Variants in AGBL1 observed in about 807,000 individuals in gnomAD.
AGBL1 encodes cytosolic carboxypeptidase 4.
In AGBL1, 130 loss-of-function variants were observed where a neutral mutation model predicts 118.9. That is an observed-to-expected ratio of 1.09 (90% CI 0.95 to 1.26). The LOEUF is 1.26. Among genes scored for constraint, AGBL1 ranks in the 50% most tolerant of loss-of-function variants. The probability of loss-of-function intolerance (pLI) is 0.00; values close to 1 mark genes in which losing one functional copy is unlikely to be tolerated. For synonymous variants in AGBL1, 555 were observed against 478.9 expected (o/e 1.16, Z -2.08); for missense variants, 1,584 against 1,298.1 (o/e 1.22, Z -3.38).
At chr15:86,891,001 T>C (rs1206323600) in intron 22 of AGBL1, among the ~76,000 whole-genome samples, 2 of 152,236 alleles carry the variant, frequency 1.3e-5, no homozygotes, top group Non-Finnish European at 2.9e-5. Flanking sequence ...ATGGCCATTT[T>C]CACTATATTA....
chr15:86,236,118 A>T (rs938804618), intron 6 of AGBL1, among the ~76,000 whole-genome samples: 2 of 152,118 alleles, frequency 1.3e-5, no homozygotes, highest in African/African-American at 4.8e-5. Flanking sequence ...GTTTATTTTT[A>T]TTTTCAAATG....
intron 17 of AGBL1, among the ~76,000 whole-genome samples, chr15:86,383,680 C>T (rs910095560): frequency 3.3e-5 from 5 of 152,302 alleles, no homozygotes; most frequent in Non-Finnish European, 7.4e-5. Context: ...TCTTCGCTGA[C>T]GTGTAAGGGC....
intron 18 of AGBL1, among the ~76,000 whole-genome samples, chr15:86,437,054 A>C (rs918643138): frequency 2.0e-5 from 3 of 151,660 alleles, no homozygotes; most frequent in Non-Finnish European, 4.4e-5. Context: ...TTTTCCATTG[A>C]AACTATTTTT....
intron 23 of AGBL1, among the ~76,000 whole-genome samples, chr15:86,978,693 G>A (rs2081199349): frequency 6.6e-6 from 1 of 152,168 alleles, no homozygotes; most frequent in Admixed American, 6.5e-5. Context: ...CTGGGGTCAG[G>A]CTGTGAGCTG....
chr15:86,957,858 T>C (rs2141680442), intron 23 of AGBL1, among the ~76,000 whole-genome samples: 1 of 152,136 alleles, frequency 6.6e-6, no homozygotes, highest in Non-Finnish European at 1.5e-5. Flanking sequence ...AACTCTAAAA[T>C]TCGTATGGAA....
intron 22 of AGBL1, among the ~76,000 whole-genome samples, chr15:86,858,892 A>G (rs879543837): frequency 1.4e-4 from 21 of 152,186 alleles, no homozygotes; most frequent in Admixed American, 1.2e-3. Context: ...CAGTTGTATT[A>G]TCTTTAATCC....
Position 86,674,259 on chromosome 15 carries a change from T to A in AGBL1, c.2995-14T>A. On this transcript the variant is annotated splice_polypyrimidine_tract_variant and intron_variant, in intron 21 of 22. Transcript: ENST00000614907. ...TTATACGTTGCCACAGTTAATGCTT[T>A]GTTTAACTGGCAGGGTCTACAGTTT... The A allele has an allele frequency of 6.2e-7, 1 of 1,602,350 alleles. No individual in the cohort carries two copies. The highest frequency in any genetic ancestry group is 2.3e-5 in the East Asian group (1 of 44,382).
At chr15:86,086,484 A>G (rs1895662178) in intron 1 of AGBL1, 1 of 152,188 alleles carries the variant, frequency 6.6e-6, no homozygotes, top group African/African-American at 2.4e-5. Flanking sequence ...GTTAGAGAAA[A>G]AGATGATATG....
intron 22 of AGBL1, among the ~76,000 whole-genome samples, chr15:86,694,078 G>T (rs1364734189): frequency 2.0e-5 from 3 of 151,990 alleles, no homozygotes; most frequent in Admixed American, 2.0e-4. Context: ...GGCTATGCAG[G>T]CTCTTTTTTG....
chr15:87,000,708 C>T (rs1480178638), intron 24 of AGBL1, among the ~76,000 whole-genome samples: 15 of 116,482 alleles, frequency 1.3e-4, no homozygotes, highest in Admixed American at 5.5e-4. Flanking sequence ...CTTGGCGATG[C>T]GGGCTCTTTT....
intron 22 of AGBL1, among the ~76,000 whole-genome samples, chr15:86,723,425 T>C (rs879844498): frequency 6.6e-6 from 1 of 152,116 alleles, no homozygotes; most frequent in Non-Finnish European, 1.5e-5. Flanking sequence ...AAACACCACA[T>C]GTTCTCACTC....
chr15:86,401,537 A>G lies in AGBL1; in HGVS notation c.2555+3991A>G, dbSNP rs117484511. Among the ~76,000 whole-genome samples, 244 of 152,238 alleles carry G rather than the reference A, an allele frequency of 1.6e-3. 1 individual carries two copies. The highest frequency in any genetic ancestry group is 9.5e-3 in the East Asian group (49 of 5,182). On this transcript the variant is annotated intron_variant, in intron 18 of 22. Transcript: ENST00000614907. Reference sequence around the variant, plus strand: ...GAATTCTTTGCCTAAGCCAATGCCTAGAAGAGTTGTTACAATGTTATCTTC... The same window carrying G: ...GAATTCTTTGCCTAAGCCAATGCCTGGAAGAGTTGTTACAATGTTATCTTC...
chr15:86,763,175 A>G (rs866334175), intron 22 of AGBL1, among the ~76,000 whole-genome samples: 13 of 151,998 alleles, frequency 8.6e-5, no homozygotes, highest in African/African-American at 3.1e-4. Context: ...AACAACAAAA[A>G]CTATAACAAT....
chr15:86,951,338 C>T (rs1022789186), intron 23 of AGBL1, among the ~76,000 whole-genome samples: 9 of 152,172 alleles, frequency 5.9e-5, no homozygotes, highest in African/African-American at 1.9e-4. Context: ...CTATTATACT[C>T]AAGACAAATA....
intron 22 of AGBL1, among the ~76,000 whole-genome samples, chr15:86,849,637 A>C (rs1351535786): frequency 6.6e-6 from 1 of 151,732 alleles, no homozygotes; most frequent in Admixed American, 6.6e-5. Flanking sequence ...AAGTGGAATT[A>C]TATCTAGAAT....
rs896280637 is a variant in AGBL1 at position 86,108,332 on chromosome 15, G to A, written c.51+28309G>A. On this transcript the variant is annotated intron_variant, in intron 1 of 22. Coordinates refer to ENST00000614907, the MANE Select transcript of AGBL1 (RefSeq NM_001386094.1). Reference sequence around the variant, plus strand: ...TGAGTGTCTTCTGTTTAAGGGCATGGGGAATTTCTCTTCAAACTATTTATA... The same window carrying A: ...TGAGTGTCTTCTGTTTAAGGGCATGAGGAATTTCTCTTCAAACTATTTATA... 9.2e-5 allele frequency among the ~76,000 whole-genome samples: 14 copies of A among 152,214 alleles called. No homozygotes were observed. The South Asian group carries it at 1.0e-3, about 11-fold the overall frequency.
chr15:86,264,539 CCCTG>C lies in AGBL1; in HGVS notation c.1369_1372del (p.Pro457ThrfsTer13). The C allele has an allele frequency of 2.5e-6, 4 of 1,614,020 alleles. No individual in the cohort carries two copies. The highest frequency in any genetic ancestry group is 3.4e-6 in the Non-Finnish European group (4 of 1,179,890). The stretch of plus-strand genomic sequence containing the variant: ...GGAGAGATTCTTCTGAAAGTGAAAT[CCCTG>C]ACATTCAGGCTTCCCCGAAAGCAGA... On this transcript the variant is annotated frameshift_variant, in exon 11 of 23. Coordinates refer to ENST00000614907, the MANE Select transcript of AGBL1 (RefSeq NM_001386094.1). LOFTEE classifies it high-confidence loss of function.
At chr15:86,525,446 A>C (rs2083250315) in intron 19 of AGBL1, among the ~76,000 whole-genome samples, 1 of 152,168 alleles carries the variant, frequency 6.6e-6, no homozygotes, top group Non-Finnish European at 1.5e-5. Context: ...TAGCAAAAAG[A>C]ATAATCTGAA....
intron 1 of AGBL1, 138 bp downstream of exon 1, chr15:86,080,161 C>G (rs189886070): frequency 5.5e-6 from 3 of 549,214 alleles, no homozygotes; most frequent in Non-Finnish European, 8.3e-6. Flanking sequence ...GGAGTCGGCT[C>G]TCACCTTGAA....
Sources: gnomAD v4.1 joint callset for allele counts (sites outside exome capture counted in the v4.1 genomes callset) on GRCh38, gnomAD v4.1.1 for gene constraint, MANE v1.5 for transcripts, NCBI Gene and HGNC (gene_info 2026-07-23, HGNC 2026-07-21) for gene names.